The following BICD2 variants were observed in gnomAD, a reference collection of about 807,000 sequenced individuals.
The protein encoded by BICD2 is protein bicaudal D homolog 2.
Under a neutral mutation model 72.9 loss-of-function variants are expected in BICD2, and 25 were observed. That is an observed-to-expected ratio of 0.34 (90% CI 0.25 to 0.48). The LOEUF (loss-of-function observed/expected upper bound fraction) is 0.48, where lower values mean the gene tolerates loss of function less well. BICD2 is among the 20% of genes least tolerant of loss of function. BICD2 has a pLI of 0.99. For missense variants in BICD2, 894 were observed against 1,175.2 expected (o/e 0.76, Z 3.50); for synonymous variants, 501 against 516.1 (o/e 0.97, Z 0.40).
At chr9:92,742,707 C>G (rs543071952) in intron 1 of BICD2, among the ~76,000 whole-genome samples, 7 of 152,132 alleles carry the variant, frequency 4.6e-5, no homozygotes, top group East Asian at 3.9e-4. Context: ...TATCACCCCC[C>G]CCAAAGAAAC....
At chr9:92,732,716 G>C (rs934393753) in intron 1 of BICD2, among the ~76,000 whole-genome samples, 2 of 152,120 alleles carry the variant, frequency 1.3e-5, no homozygotes, top group Admixed American at 6.5e-5. Flanking sequence ...ACTGAAAACT[G>C]TTCACAAATA....
In BICD2 at chr9:92,737,505, G is replaced by A. The variant is rs1258331846; in HGVS notation, c.241-8269C>T. Among the ~76,000 whole-genome samples the A allele has an allele frequency of 3.9e-5, 6 of 152,174 alleles. No individual in the cohort carries two copies. The South Asian group carries it at 8.3e-4, about 21-fold the overall frequency. On this transcript the variant is annotated intron_variant, in intron 1 of 6. Coordinates refer to ENST00000356884, the MANE Select transcript of BICD2 (RefSeq NM_001003800.2). ...TGACAACCCCAGTGTGGGGCAGCGC[G>A]TGGGAGACTGGGTGGCTTTAGAATG...
intron 2 of BICD2, 46 bp from the exon 3 acceptor site, chr9:92,722,854 C>A: frequency 6.2e-7 from 1 of 1,611,408 alleles, no homozygotes; most frequent in African/African-American, 1.3e-5. Flanking sequence ...CTCCACAGGG[C>A]ACGAGAGGGG....
At chr9:92,763,006 C>A (rs1449562557) in intron 1 of BICD2, among the ~76,000 whole-genome samples, 1 of 152,228 alleles carries the variant, frequency 6.6e-6, no homozygotes, top group African/African-American at 2.4e-5. Flanking sequence ...GGGACTCTTG[C>A]AAGAGCAGCT....
chr9:92,748,933 A>G (rs950271501), intron 1 of BICD2, among the ~76,000 whole-genome samples: 1 of 151,964 alleles, frequency 6.6e-6, no homozygotes, highest in African/African-American at 2.4e-5. Flanking sequence ...TCACTCCAAA[A>G]TCCATTTTTC....
chr9:92,713,985 A>G lies in BICD2; in HGVS notation c.*1169T>C. 1.0e-6 allele frequency: 1 copy of G among 987,770 alleles called. No homozygotes were observed. Among genetic ancestry groups the G allele is most frequent in the African/African-American group, 1.7e-5 (1 of 57,422 alleles). The allele number at this position is 987,770 out of a possible 1,614,324, so 61.2% of individuals were successfully genotyped here. On this transcript the variant is annotated 3_prime_UTR_variant, in exon 7 of 7. Transcript: ENST00000356884. ...GGTCCCACAGGGTGATCGGGAAAAA[A>G]GTACTGAGAAAAGTTCTGCTCAGAA...
Position 92,764,454 on chromosome 9 carries a change from C to G in BICD2, c.240+51G>C, listed in dbSNP as rs755140150. 18 of 1,439,058 alleles carry G rather than the reference C, an allele frequency of 1.3e-5. No individual in the cohort carries two copies. Among genetic ancestry groups the G allele is most frequent in the Non-Finnish European group, 1.6e-5 (18 of 1,090,972 alleles). The allele number at this position is 1,439,058 out of a possible 1,614,324, so 89.1% of individuals were successfully genotyped here. ...CCGCCCTGGTGCCAGGGACGACGCC[C>G]ACAGGCCCCGGCGCCGGGCGGGGGT... is the stretch of plus-strand genomic sequence containing the variant. On this transcript the variant is annotated intron_variant, in intron 1 of 6. Coordinates refer to ENST00000356884, the MANE Select transcript of BICD2 (RefSeq NM_001003800.2). This position sits in a 1 kb window ranked among gnomAD's most constrained non-coding sequence, Gnocchi z 5.5.
At chr9:92,757,312 C>CAAAAAAAAAAAAAAAAA (rs1169381290) in intron 1 of BICD2, among the ~76,000 whole-genome samples, 23 of 52,738 alleles carry the variant, frequency 4.4e-4, no homozygotes, top group South Asian at 1.1e-3. Context: ...AGACTGTCTC[C>CAAAAAAAAAAAAAAAAA]AAAAAAAAAA....
intron 1 of BICD2, among the ~76,000 whole-genome samples, chr9:92,760,434 A>G (rs543834107): frequency 1.0e-3 from 157 of 152,294 alleles, no homozygotes; most frequent in African/African-American, 3.5e-3. Flanking sequence ...GCCAGGTCCC[A>G]GGATGATTGA....
At chr9:92,722,837 G>A in intron 2 of BICD2, 29 bp from the exon 3 acceptor site, 1 of 1,613,602 alleles carries the variant, frequency 6.2e-7, no homozygotes, top group Non-Finnish European at 8.5e-7. Context: ...AGGCAGGTAT[G>A]AGCAGCCTCC....
rs560153000 is a variant in BICD2, at chr9:92,757,336, A to C, written c.240+7169T>G. 2.3e-5 allele frequency among the ~76,000 whole-genome samples: 3 copies of C among 128,278 alleles called. No homozygotes were observed. In the South Asian group the frequency reaches 8.9e-4, roughly 38 times the overall value. The allele number at this position is 128,278 out of a possible 152,430, so 84.2% of individuals were successfully genotyped here. On this transcript the variant is annotated intron_variant, in intron 1 of 6. Transcript: ENST00000356884. ...CCAAAAAAAAAAAAAAAAAAAAAAAAAAATTGAGAAGGCCTTCAACCAAAT... is the reference window on the plus strand; with the variant it reads ...CCAAAAAAAAAAAAAAAAAAAAAAACAAATTGAGAAGGCCTTCAACCAAAT...
chr9:92,719,323 A>G lies in BICD2; in HGVS notation c.1322T>C (p.Val441Ala), dbSNP rs779615238. Residue 441 changes from valine to alanine, a missense_variant, in exon 5 of 7, where the codon GTG (valine) becomes GCG (alanine). Physicochemically the swap from Val to Ala is moderately conservative, Grantham distance 64. Coordinates refer to ENST00000356884, the MANE Select transcript of BICD2 (RefSeq NM_001003800.2). ...GPEILACKYH[V>A]AVAEAGELRE... ...GAGCTCGCCAGCCTCAGCCACAGCC[A>G]CATGGTACTTGCAGGCCAAGATCTC... is the stretch of plus-strand genomic sequence containing the variant. The G allele has an allele frequency of 5.6e-6, 9 of 1,614,168 alleles. 1 individual carries two copies. In the South Asian group the frequency reaches 8.8e-5, roughly 16 times the overall value.
At chr9:92,761,960 G>A (rs1854381242) in intron 1 of BICD2, among the ~76,000 whole-genome samples, 1 of 152,168 alleles carries the variant, frequency 6.6e-6, no homozygotes, top group Non-Finnish European at 1.5e-5. Context: ...AAAGGCAACA[G>A]GACTGGCACT....
At chr9:92,746,819 G>A (rs920064654) in intron 1 of BICD2, among the ~76,000 whole-genome samples, 1 of 152,214 alleles carries the variant, frequency 6.6e-6, no homozygotes, top group Non-Finnish European at 1.5e-5. Flanking sequence ...AAGAGTCTGA[G>A]CACTTCAGGG....
chr9:92,733,288 A>G lies in BICD2; in HGVS notation c.241-4052T>C, dbSNP rs531931668. ...CACGGTGGCTCATGCTTGTAATCCC[A>G]GCACTTTGGAAGGTCGAGGCGGGCA... On this transcript the variant is annotated intron_variant, in intron 1 of 6. Coordinates refer to ENST00000356884, the MANE Select transcript of BICD2 (RefSeq NM_001003800.2). Among the ~76,000 whole-genome samples the G allele has an allele frequency of 2.0e-5, 3 of 152,328 alleles. No individual in the cohort carries two copies. The South Asian group carries it at 6.2e-4, about 32-fold the overall frequency.
At chr9:92,730,226 C>CT (rs1289637974) in intron 1 of BICD2, among the ~76,000 whole-genome samples, 24 of 152,184 alleles carry the variant, frequency 1.6e-4, no homozygotes, top group African/African-American at 5.5e-4. Flanking sequence ...TGCAGAAGAC[C>CT]TTATCTTTTT....
intron 6 of BICD2, among the ~76,000 whole-genome samples, chr9:92,717,572 C>T (rs901890325): frequency 2.6e-5 from 4 of 152,246 alleles, no homozygotes; most frequent in Admixed American, 2.6e-4. Context: ...CATATCGCCT[C>T]ACCCTTTCTT....
intron 1 of BICD2, among the ~76,000 whole-genome samples, chr9:92,736,463 C>T (rs1205284706): frequency 6.6e-6 from 1 of 152,160 alleles, no homozygotes; most frequent in South Asian, 2.1e-4. Flanking sequence ...TGGGAGGGAC[C>T]CTCAGCTCTG....
At position 92,719,417 on chromosome 9, in the gene BICD2, G is replaced by C. The variant is rs765154460; in HGVS notation, c.1228C>G (p.Leu410Val). Residue 410 changes from leucine to valine, a missense_variant, in exon 5 of 7, where the codon CTG (leucine) becomes GTG (valine). Physicochemically the swap from Leu to Val is conservative, Grantham distance 32. This residue lies in a region of BICD2 where 371 missense variants were observed against 439.1 expected (regional missense o/e 0.84). Coordinates refer to ENST00000356884, the MANE Select transcript of BICD2 (RefSeq NM_001003800.2). ...LQASKERQTA[L>V]DNEKDRDSHE... Reference sequence around the variant, plus strand: ...CTGTCACGGTCCTTCTCGTTGTCCAGGGCTGTCTGCCGCTCCTTGCTGGCC... The same window carrying C: ...CTGTCACGGTCCTTCTCGTTGTCCACGGCTGTCTGCCGCTCCTTGCTGGCC... The C allele has an allele frequency of 6.2e-7, 1 of 1,614,042 alleles. No individual in the cohort carries two copies. The highest frequency in any genetic ancestry group is 1.3e-5 in the African/African-American group (1 of 74,930).
Sources: allele counts gnomAD v4.1 joint callset (sites outside exome capture counted in the v4.1 genomes callset), GRCh38; gene constraint gnomAD v4.1.1; regional missense constraint gnomAD v4.1.1; non-coding constraint Gnocchi (gnomAD v3.1); transcripts MANE v1.5; gene names NCBI Gene and HGNC (gene_info 2026-07-23, HGNC 2026-07-21).